The following CTNNA3 variants were observed in gnomAD, a reference collection of about 807,000 sequenced individuals.
The protein encoded by CTNNA3 is catenin alpha 3.
A neutral mutation model predicts 95.7 loss-of-function variants in CTNNA3; 76 were observed. That is an observed-to-expected ratio of 0.79 (90% CI 0.66 to 0.96). The LOEUF is 0.96. CTNNA3 is among the 40% of genes least tolerant of loss of function. The pLI, the probability that CTNNA3 is intolerant of heterozygous loss-of-function variation, is 0.00. For synonymous variants in CTNNA3, 431 were observed against 374.4 expected, an observed-to-expected ratio of 1.15 and a Z score of -1.74; for missense variants, 1,191 against 1,089.8, an observed-to-expected ratio of 1.09 and a Z score of -1.31.
At chr10:66,095,621 T>C (rs756888251) in intron 14 of CTNNA3, among the ~76,000 whole-genome samples, 3 of 152,078 alleles carry the variant, frequency 2.0e-5, no homozygotes, top group Non-Finnish European at 4.4e-5. Flanking sequence ...TATTTCATAG[T>C]GAAGGATATT....
chr10:66,515,682 G>C (rs1840825303), intron 11 of CTNNA3, among the ~76,000 whole-genome samples: 1 of 152,058 alleles, frequency 6.6e-6, no homozygotes, highest in African/African-American at 2.4e-5. Flanking sequence ...TGGTGGAAGG[G>C]GAAGCAAACA....
At chr10:67,430,145 CTACTCT>C (rs1846062350) in intron 5 of CTNNA3, among the ~76,000 whole-genome samples, 1 of 151,974 alleles carries the variant, frequency 6.6e-6, no homozygotes, top group African/African-American at 2.4e-5. Context: ...TATAGTCCTC[CTACTCT>C]TAAACATTCC....
intron 13 of CTNNA3, among the ~76,000 whole-genome samples, chr10:66,146,805 C>A (rs930907053): frequency 8.5e-5 from 13 of 152,292 alleles, no homozygotes; most frequent in Middle Eastern, 3.4e-3. Context: ...AATTCACGCG[C>A]CTCAGCTTCC....
At chr10:66,050,359 T>C (rs1394623529) in intron 15 of CTNNA3, among the ~76,000 whole-genome samples, 1 of 151,838 alleles carries the variant, frequency 6.6e-6, no homozygotes, top group Non-Finnish European at 1.5e-5. Flanking sequence ...ATAGCACCAA[T>C]ATTTTTCTCG....
chr10:67,354,239 C>T (rs1021240608), intron 5 of CTNNA3, among the ~76,000 whole-genome samples: 2 of 152,004 alleles, frequency 1.3e-5, no homozygotes, highest in Admixed American at 6.6e-5. Flanking sequence ...GATAAATTGA[C>T]CAACTGCCTG....
chr10:67,614,260 T>A lies in CTNNA3; in HGVS notation c.100-7211A>T, dbSNP rs188602868. Among the ~76,000 whole-genome samples the A allele has an allele frequency of 2.0e-5, 3 of 152,288 alleles. No individual in the cohort carries two copies. The East Asian group carries it at 5.8e-4, about 29-fold the overall frequency. On this transcript the variant is annotated intron_variant, in intron 2 of 17. Transcript: ENST00000433211. ...CAATCCCTTCGTAAGACAAAAAAGT[T>A]CTCCAAGTCCCCTACTTGACCCAGG...
At chr10:66,965,611 G>C (rs1447137887) in intron 7 of CTNNA3, among the ~76,000 whole-genome samples, 1 of 150,332 alleles carries the variant, frequency 6.7e-6, no homozygotes, top group Non-Finnish European at 1.5e-5. Flanking sequence ...TTTCCCAGGA[G>C]GGCAAGACAG....
intron 6 of CTNNA3, among the ~76,000 whole-genome samples, chr10:67,187,548 C>T (rs2132163044): frequency 6.6e-6 from 1 of 152,030 alleles, no homozygotes; most frequent in East Asian, 1.9e-4. Flanking sequence ...TTATCTCTCT[C>T]TCTTTCTTTC....
intron 7 of CTNNA3, among the ~76,000 whole-genome samples, chr10:67,123,301 AT>A (rs1476840208): frequency 6.6e-6 from 1 of 152,140 alleles, no homozygotes; most frequent in Non-Finnish European, 1.5e-5. Context: ...TTTATTGAGT[AT>A]CTGCTTGATG....
chr10:66,687,718 T>TACAC (rs60736695), intron 9 of CTNNA3, among the ~76,000 whole-genome samples: 9 of 143,156 alleles, frequency 6.3e-5, no homozygotes, highest in African/African-American at 2.1e-4. Flanking sequence ...TATATATATA[T>TACAC]ACACACACAC....
In CTNNA3 at chr10:67,677,324, G is replaced by T. The variant is rs1840553624; in HGVS notation, c.-6+18676C>A. The stretch of plus-strand genomic sequence containing the variant: ...AACAAAGAATAATTTTTTGGCATAA[G>T]TATGCCCTATGCAATATTTGGGACA... On this transcript the variant is annotated intron_variant, in intron 1 of 17. Coordinates refer to ENST00000433211, the MANE Select transcript of CTNNA3 (RefSeq NM_013266.4). Among the ~76,000 whole-genome samples the T allele has an allele frequency of 2.6e-5, 4 of 152,096 alleles. No homozygotes were observed. In the South Asian group the frequency reaches 8.3e-4, roughly 31 times the overall value.
chr10:66,340,856 G>A (rs2092447396), intron 12 of CTNNA3, among the ~76,000 whole-genome samples: 1 of 151,692 alleles, frequency 6.6e-6, no homozygotes, highest in African/African-American at 2.4e-5. Context: ...TTTATTTTAG[G>A]TATAATTTGA....
chr10:66,824,046 CT>C (rs57827121), intron 7 of CTNNA3, among the ~76,000 whole-genome samples: 7 of 147,450 alleles, frequency 4.7e-5, no homozygotes, highest in Admixed American at 6.7e-5. Context: ...ATGCCATACT[CT>C]TTTTTTTTTT....
At chr10:66,242,328 C>T (rs2090145020) in intron 13 of CTNNA3, among the ~76,000 whole-genome samples, 1 of 152,038 alleles carries the variant, frequency 6.6e-6, no homozygotes, top group Non-Finnish European at 1.5e-5. Context: ...TAAAACTAAA[C>T]TGGATTTCAC....
chr10:67,288,558 G>A (rs976946708), intron 5 of CTNNA3, among the ~76,000 whole-genome samples: 1 of 152,046 alleles, frequency 6.6e-6, no homozygotes, highest in Non-Finnish European at 1.5e-5. Context: ...AGAAAATGTG[G>A]AACAAACCAG....
At chr10:67,409,889 C>A (rs528630721) in intron 5 of CTNNA3, among the ~76,000 whole-genome samples, 1 of 152,056 alleles carries the variant, frequency 6.6e-6, no homozygotes, top group Non-Finnish European at 1.5e-5. Flanking sequence ...GAAAGAGGAA[C>A]ACTTACACAC....
intron 11 of CTNNA3, among the ~76,000 whole-genome samples, chr10:66,421,098 G>A (rs112433412): frequency 0.011 from 1,665 of 152,118 alleles, 37 homozygotes; most frequent in African/African-American, 0.038. Context: ...AAGAATGAGA[G>A]CCTGTCATTT....
intron 15 of CTNNA3, among the ~76,000 whole-genome samples, chr10:65,993,616 A>G (rs1434009769): frequency 6.6e-6 from 1 of 152,130 alleles, no homozygotes; most frequent in Non-Finnish European, 1.5e-5. Flanking sequence ...TCAATCCTTT[A>G]CTTTCATTCT....
At chr10:65,948,834 CTGTCT>C (rs2077565792) in intron 17 of CTNNA3, among the ~76,000 whole-genome samples, 1 of 152,128 alleles carries the variant, frequency 6.6e-6, no homozygotes, top group Admixed American at 6.5e-5. Flanking sequence ...AAAAAATGTT[CTGTCT>C]TAAGAAATGT....
Sources: allele counts gnomAD v4.1 joint callset (sites outside exome capture counted in the v4.1 genomes callset), GRCh38; gene constraint gnomAD v4.1.1; transcripts MANE v1.5; gene names NCBI Gene and HGNC (gene_info 2026-07-23, HGNC 2026-07-21).